TAF4: variants seen among roughly 807,000 people sequenced by gnomAD.
TAF4 encodes the protein TATA-box binding protein associated factor 4.
Under a neutral mutation model 90.3 loss-of-function variants are expected in TAF4, and 9 were observed. That is an observed-to-expected ratio of 0.10 (90% CI 0.06 to 0.17). TAF4 has a LOEUF of 0.17. Among genes scored for constraint, TAF4 ranks in the 10% least tolerant of loss-of-function variants. The pLI, the probability that TAF4 is intolerant of heterozygous loss-of-function variation, is 1.00. For missense variants in TAF4, 1,351 were observed against 1,370.7 expected, an observed-to-expected ratio of 0.99 and a Z score of 0.23; for synonymous variants, 818 against 638.9, an observed-to-expected ratio of 1.28 and a Z score of -4.23.
At chr20:62,040,077 GAAATT>G (rs1362175416) in intron 1 of TAF4, among the ~76,000 whole-genome samples, 1 of 152,212 alleles carries the variant, frequency 6.6e-6, no homozygotes, top group South Asian at 2.1e-4. Flanking sequence ...AGTTCCTTCA[GAAATT>G]AATATTCATT....
intron 14 of TAF4, among the ~76,000 whole-genome samples, chr20:61,977,085 C>G (rs934413997): frequency 1.4e-5 from 2 of 146,218 alleles, no homozygotes; most frequent in Non-Finnish European, 3.0e-5. Context: ...GCCACACACA[C>G]GACACCGCCC....
At chr20:62,060,226 C>G (rs951723743) in intron 1 of TAF4, among the ~76,000 whole-genome samples, 1 of 152,232 alleles carries the variant, frequency 6.6e-6, no homozygotes, top group Admixed American at 6.5e-5. Context: ...TGCCTCAGGT[C>G]CATTTGCCAC....
At chr20:61,998,946 G>A in intron 12 of TAF4, 37 bp downstream of exon 12, 1 of 1,607,330 alleles carries the variant, frequency 6.2e-7, no homozygotes, top group Non-Finnish European at 8.5e-7. Flanking sequence ...CTGAGACGGA[G>A]GTGCCCAGAC....
intron 14 of TAF4, among the ~76,000 whole-genome samples, chr20:61,982,336 C>A (rs1805908506): frequency 7.7e-6 from 1 of 129,178 alleles, no homozygotes; most frequent in Non-Finnish European, 1.7e-5. Context: ...AACACCAAAC[C>A]CACACCCACC....
chr20:62,024,357 G>T (rs1043637364), intron 1 of TAF4, among the ~76,000 whole-genome samples: 4 of 152,160 alleles, frequency 2.6e-5, no homozygotes, highest in African/African-American at 9.7e-5. Context: ...TCTGACCCAG[G>T]GTTAGGCAAA....
At chr20:62,000,849 C>T (rs1204002767) in intron 9 of TAF4, 128 bp from the exon 10 acceptor site, 8 of 914,776 alleles carry the variant, frequency 8.7e-6, no homozygotes, top group East Asian at 5.1e-5. Context: ...CTGTCCTCCC[C>T]GCACCTGCAC....
rs1351233862 is a variant in TAF4, at chr20:62,064,822, C to A, written c.989G>T (p.Gly330Val). 1 of 978,240 alleles carries A rather than the reference C, an allele frequency of 1.0e-6. No individual in the cohort carries two copies. The highest frequency in any genetic ancestry group is 1.2e-6 in the Non-Finnish European group (1 of 827,264). 60.6% of individuals were successfully genotyped at this position (978,240 alleles called of 1,614,324 possible). Reference protein sequence around the residue: ...GGPAGVSGQPGPGAAAAAPAP... With the variant: ...GGPAGVSGQPVPGAAAAAPAP... ...CGGCGCCGCAGCCGCCGCGCCGGGC[C>A]CGGGTTGGCCGCTGACCCCCGCGGG... Residue 330 changes from glycine (G) to valine (V), a missense_variant, in exon 1 of 15, where the codon GGG becomes GTG. Gly to Val is a moderately radical substitution (Grantham distance 109). Around this residue, in one of 9 missense-constraint regions of TAF4, gnomAD observed 782 missense variants for 536.6 expected, o/e 1.46. Coordinates refer to ENST00000252996, the MANE Select transcript of TAF4 (RefSeq NM_003185.4).
At chr20:62,031,592 A>G (rs1243183394) in intron 1 of TAF4, among the ~76,000 whole-genome samples, 1 of 151,982 alleles carries the variant, frequency 6.6e-6, no homozygotes, top group African/African-American at 2.4e-5. Context: ...CCCACCTCCC[A>G]GCCTCCCCCT....
chr20:61,987,533 C>A (rs1423213260), intron 14 of TAF4, among the ~76,000 whole-genome samples: 2 of 152,216 alleles, frequency 1.3e-5, no homozygotes, highest in Non-Finnish European at 2.9e-5. Context: ...AAGATGCACA[C>A]ACCTACTAGA....
At chr20:61,978,697 G>A (rs568069406) in intron 14 of TAF4, among the ~76,000 whole-genome samples, 2 of 151,834 alleles carry the variant, frequency 1.3e-5, no homozygotes, top group South Asian at 2.1e-4. Context: ...GGCCGGGGGC[G>A]AGACCAACCA....
intron 9 of TAF4, among the ~76,000 whole-genome samples, chr20:62,001,195 G>T (rs2055699499): frequency 6.6e-6 from 1 of 152,156 alleles, no homozygotes; most frequent in South Asian, 2.1e-4. Flanking sequence ...CTACAGACAA[G>T]GGCATCCCCT....
chr20:61,995,513 C>T (rs1600832353), intron 14 of TAF4, among the ~76,000 whole-genome samples: 1 of 152,134 alleles, frequency 6.6e-6, no homozygotes, highest in East Asian at 1.9e-4. Flanking sequence ...GCAGCATCAA[C>T]AGGTCTAACA....
intron 4 of TAF4, among the ~76,000 whole-genome samples, chr20:62,009,801 C>T (rs1418036316): frequency 6.6e-6 from 1 of 152,226 alleles, no homozygotes; most frequent in Non-Finnish European, 1.5e-5. Context: ...GTGACTTTTT[C>T]AAAGGCAGGT....
intron 3 of TAF4, chr20:62,012,086 T>A (rs2055782249): frequency 6.6e-6 from 1 of 152,334 alleles, no homozygotes; most frequent in African/African-American, 2.4e-5. Flanking sequence ...TCAGCACCAC[T>A]AGGAGAGGGG....
chr20:62,038,181 C>T (rs538035118), intron 1 of TAF4, among the ~76,000 whole-genome samples: 4 of 152,262 alleles, frequency 2.6e-5, no homozygotes, highest in Admixed American at 2.6e-4. Flanking sequence ...GAGCCCACCA[C>T]TACGCCCGGC....
rs2056126540 is a variant in TAF4 at position 62,065,603 on chromosome 20, C to T, written c.208G>A (p.Ala70Thr). Residue 70 changes from alanine to threonine, a missense_variant, in exon 1 of 15, where the codon GCC becomes ACC. Physicochemically the swap from Ala to Thr is moderately conservative, Grantham distance 58. This residue lies in a region of TAF4 where 782 missense variants were observed against 536.6 expected (regional missense o/e 1.46). Transcript: ENST00000252996. ...NHVVSGSPAG[A>T]AGAGPAAPAE... is the part of the protein sequence containing the mutation. ...GGGGCGGCCGGCCCTGCGCCCGCGGCTCCGGCCGGGCTGCCGCTCACAACA... is the reference window on the plus strand; with the variant it reads ...GGGGCGGCCGGCCCTGCGCCCGCGGTTCCGGCCGGGCTGCCGCTCACAACA... The T allele has an allele frequency of 1.0e-6, 1 of 992,582 alleles. No individual in the cohort carries two copies. The highest frequency in any genetic ancestry group is 1.8e-5 in the African/African-American group (1 of 56,040). 61.5% of individuals were successfully genotyped at this position (992,582 alleles called of 1,614,324 possible).
chr20:62,016,680 G>A (rs1269341881), intron 1 of TAF4, among the ~76,000 whole-genome samples: 1 of 152,150 alleles, frequency 6.6e-6, no homozygotes, highest in Non-Finnish European at 1.5e-5. Flanking sequence ...GCCTATTGAG[G>A]GACTTCACCT....
intron 1 of TAF4, among the ~76,000 whole-genome samples, chr20:62,031,919 C>T (rs1481270629): frequency 2.6e-5 from 4 of 152,098 alleles, no homozygotes; most frequent in Admixed American, 1.3e-4. Context: ...AGACACGGAA[C>T]GCACAGGACA....
chr20:62,043,131 G>A (rs2055973524), intron 1 of TAF4, among the ~76,000 whole-genome samples: 1 of 152,138 alleles, frequency 6.6e-6, no homozygotes, highest in Admixed American at 6.5e-5. Context: ...AGACCAGTCT[G>A]GGCAACACGG....
Sources: gnomAD v4.1 joint callset for allele counts (sites outside exome capture counted in the v4.1 genomes callset) on GRCh38, gnomAD v4.1.1 for gene constraint, gnomAD v4.1.1 regional missense constraint, MANE v1.5 for transcripts, NCBI Gene and HGNC (gene_info 2026-07-23, HGNC 2026-07-21) for gene names.